The following RASA2 variants were observed in gnomAD, a reference collection of about 807,000 sequenced individuals.
The protein encoded by RASA2 is RAS p21 protein activator 2, also known as ras GTPase-activating protein 2.
In RASA2, 155 loss-of-function variants were observed where a neutral mutation model predicts 118.2. The observed-to-expected ratio is 1.31, with a 90% CI of 1.15 to 1.50. RASA2 has a LOEUF of 1.50. Among genes scored for constraint, RASA2 ranks in the 40% most tolerant of loss-of-function variants. The probability of loss-of-function intolerance (pLI) is 0.00; values close to 1 mark genes in which losing one functional copy is unlikely to be tolerated. For synonymous variants in RASA2, 353 were observed against 349.1 expected (o/e 1.01, Z -0.12); for missense variants, 1,016 against 1,009.6 (o/e 1.01, Z -0.09).
intron 12 of RASA2, among the ~76,000 whole-genome samples, chr3:141,572,931 T>C (rs545963575): frequency 8.5e-5 from 13 of 152,374 alleles, no homozygotes; most frequent in Non-Finnish European, 1.5e-4. Flanking sequence ...TTCTTTGTTA[T>C]GGGATTTCTA....
chr3:141,539,727 C>A (rs924989531), intron 4 of RASA2, among the ~76,000 whole-genome samples: 1 of 152,176 alleles, frequency 6.6e-6, no homozygotes, highest in African/African-American at 2.4e-5. Context: ...TTGCTCATCA[C>A]CAGCGGCAGG....
At chr3:141,523,393 C>T (rs893233513) in intron 3 of RASA2, among the ~76,000 whole-genome samples, 2 of 152,156 alleles carry the variant, frequency 1.3e-5, no homozygotes, top group South Asian at 2.1e-4. Context: ...GAATTGCAGG[C>T]GTGAGCCACC....
chr3:141,574,093 T>A, intron 14 of RASA2, 26 bp downstream of exon 14: 1 of 1,388,836 alleles, frequency 7.2e-7, no homozygotes, highest in East Asian at 2.7e-5. Context: ...TACTAAAACA[T>A]GCCATTTATT....
chr3:141,507,232 C>G (rs1049928246), intron 1 of RASA2, among the ~76,000 whole-genome samples: 4 of 152,038 alleles, frequency 2.6e-5, no homozygotes, highest in African/African-American at 9.7e-5. Flanking sequence ...GTGGATTTAC[C>G]CAACCATGAT....
chr3:141,570,828 G>GT, intron 9 of RASA2, 84 bp from the exon 10 acceptor site: 3 of 1,370,160 alleles, frequency 2.2e-6, no homozygotes, highest in Non-Finnish European at 3.0e-6. Flanking sequence ...TTTTGGTTTA[G>GT]TTTTTTTATA....
intron 6 of RASA2, 86 bp downstream of exon 6, chr3:141,554,026 T>C: frequency 6.7e-7 from 1 of 1,503,182 alleles, no homozygotes; most frequent in Non-Finnish European, 8.9e-7. Flanking sequence ...GAGCAAATGA[T>C]AAATAGCTAT....
In RASA2 at chr3:141,571,696, AC is replaced by A. The variant is rs1044014327; in HGVS notation, c.1169+143del. 1.6e-4 allele frequency: 118 copies of A among 753,896 alleles called. No individual in the cohort carries two copies. The African/African-American group carries it at 1.8e-3, about 12-fold the overall frequency. The allele number at this position is 753,896 out of a possible 1,614,324, so 46.7% of individuals were successfully genotyped here. A position where few individuals can be genotyped will look rare whatever the true frequency, so the allele number is the denominator to read the frequency against. On this transcript the variant is annotated intron_variant, in intron 11 of 23. Transcript: ENST00000286364. ...GCTGAAAAGAAGTACTTAACAAATA[AC>A]AAAAGGCAGTTAAGCTATCAAACAG...
chr3:141,512,270 A>C lies in RASA2; in HGVS notation c.241A>C (p.Lys81Gln). The change falls in exon 2 of 24, where the codon AAA (lysine) becomes CAA (glutamine). Residue 81 changes from lysine to glutamine, a missense_variant. By Grantham distance (53) the Lys-to-Gln change is moderately conservative (BLOSUM62 1). Coordinates refer to ENST00000286364, the MANE Select transcript of RASA2 (RefSeq NM_006506.5). ...AGTTTATCGTACCCAAGTTGTGGAA[A>C]AATCTTTAAGGTTGGTAGAAAAAAT... ...EEVYRTQVVE[K>Q]SLSPFFSEEF... The C allele has an allele frequency of 6.3e-7, 1 of 1,580,504 alleles. No individual in the cohort carries two copies. The highest frequency in any genetic ancestry group is 1.2e-5 in the South Asian group (1 of 85,172).
chr3:141,548,299 C>T (rs773007070), intron 5 of RASA2, among the ~76,000 whole-genome samples: 43 of 152,192 alleles, frequency 2.8e-4, no homozygotes, highest in Non-Finnish European at 5.3e-4. Context: ...GCAGTGAAGC[C>T]ATCAGGTCCC....
intron 20 of RASA2, 139 bp downstream of exon 20, chr3:141,607,899 G>A (rs2083573443): frequency 1.9e-6 from 2 of 1,055,744 alleles, no homozygotes; most frequent in Admixed American, 3.9e-5. Context: ...TCAAGAAGTT[G>A]TTTATTGGAT....
chr3:141,552,093 T>TA (rs1217657955), intron 5 of RASA2, among the ~76,000 whole-genome samples: 5 of 152,220 alleles, frequency 3.3e-5, no homozygotes, highest in Non-Finnish European at 5.9e-5. Flanking sequence ...ATTTAAAAAT[T>TA]AAGAGTACTG....
chr3:141,490,685 G>A (rs2081630110), intron 1 of RASA2, among the ~76,000 whole-genome samples: 2 of 152,154 alleles, frequency 1.3e-5, no homozygotes, highest in South Asian at 2.1e-4. Flanking sequence ...ATAGCCTAGG[G>A]TTATTTGACA....
At chr3:141,591,559 T>C (rs1208909348) in intron 19 of RASA2, among the ~76,000 whole-genome samples, 1 of 152,222 alleles carries the variant, frequency 6.6e-6, no homozygotes, top group Non-Finnish European at 1.5e-5. Context: ...ATGTCTTCCA[T>C]ATATGCTGTC....
At chr3:141,590,279 C>T in intron 19 of RASA2, 1 of 402,798 alleles carries the variant, frequency 2.5e-6, no homozygotes, top group Middle Eastern at 3.8e-4. Context: ...ATTTACTCCG[C>T]AGCTAAATGC....
intron 1 of RASA2, among the ~76,000 whole-genome samples, chr3:141,488,967 C>T (rs1317464575): frequency 1.3e-5 from 2 of 152,056 alleles, no homozygotes; most frequent in African/African-American, 4.8e-5. Context: ...TTGTCCTGTG[C>T]TTTTGTCTGC....
intron 6 of RASA2, among the ~76,000 whole-genome samples, chr3:141,555,557 A>C (rs1249263007): frequency 6.8e-6 from 1 of 147,548 alleles, no homozygotes; most frequent in African/African-American, 2.4e-5. Context: ...AGTTGCTTAT[A>C]GAATAGAATG....
At chr3:141,528,537 C>A (rs988511715) in intron 3 of RASA2, among the ~76,000 whole-genome samples, 2 of 151,686 alleles carry the variant, frequency 1.3e-5, no homozygotes, top group African/African-American at 4.8e-5. Flanking sequence ...CAAAATACAT[C>A]TTTTTTTCTT....
At position 141,540,624 on chromosome 3, in the gene RASA2, T is replaced by A. The variant is rs1553789014; in HGVS notation, c.527+15T>A. Reference sequence around the variant, plus strand: ...CTTGTTGTACAGTAAGCATTTTTTTTAACCAAAATCAACTAGAAATAATTC... The same window carrying A: ...CTTGTTGTACAGTAAGCATTTTTTTAAACCAAAATCAACTAGAAATAATTC... On this transcript the variant is annotated intron_variant, in intron 5 of 23. Coordinates refer to ENST00000286364, the MANE Select transcript of RASA2 (RefSeq NM_006506.5). The A allele has an allele frequency of 1.9e-6, 3 of 1,584,242 alleles. No individual in the cohort carries two copies. The highest frequency in any genetic ancestry group is 2.6e-6 in the Non-Finnish European group (3 of 1,157,092).
At chr3:141,530,916 A>G (rs1397982848) in intron 4 of RASA2, among the ~76,000 whole-genome samples, 1 of 152,142 alleles carries the variant, frequency 6.6e-6, no homozygotes, top group African/African-American at 2.4e-5. Flanking sequence ...AAAGGCAGAA[A>G]ACTTAGGTCC....
Sources: gnomAD v4.1 joint callset for allele counts (sites outside exome capture counted in the v4.1 genomes callset) on GRCh38, gnomAD v4.1.1 for gene constraint, MANE v1.5 for transcripts, NCBI Gene and HGNC (gene_info 2026-07-23, HGNC 2026-07-21) for gene names.